MSH4: variants seen among roughly 807,000 people sequenced by gnomAD.
MSH4 encodes mutS protein homolog 4.
MSH4 carries 106 observed loss-of-function variants against 113.7 expected under a neutral mutation model. The observed-to-expected ratio is 0.93, with a 90% CI of 0.80 to 1.10. The LOEUF is 1.10. Among genes scored for constraint, MSH4 ranks in the 50% least tolerant of loss-of-function variants. The pLI is 0.00. For missense variants in MSH4, 1,061 were observed against 1,093.7 expected (o/e 0.97, Z 0.42); for synonymous variants, 368 against 380.2 (o/e 0.97, Z 0.37).
At chr1:75,838,654 A>G (rs1379775749) in intron 7 of MSH4, among the ~76,000 whole-genome samples, 1 of 152,032 alleles carries the variant, frequency 6.6e-6, no homozygotes, top group Non-Finnish European at 1.5e-5. Flanking sequence ...ATCTCTTGAT[A>G]CTCTTCACTC....
intron 17 of MSH4, among the ~76,000 whole-genome samples, chr1:75,893,636 A>G (rs1203001004): frequency 6.6e-6 from 1 of 152,176 alleles, no homozygotes; most frequent in African/African-American, 2.4e-5. Context: ...TAGACCTATA[A>G]CTAGATCTCT....
chr1:75,863,970 A>G (rs1434751284), intron 8 of MSH4, among the ~76,000 whole-genome samples: 1 of 152,170 alleles, frequency 6.6e-6, no homozygotes, highest in Non-Finnish European at 1.5e-5. Flanking sequence ...GTTATCACCA[A>G]TACCTCAAAA....
At chr1:75,804,355 A>T (rs5745327) in intron 2 of MSH4, among the ~76,000 whole-genome samples, 124,348 of 151,996 alleles carry the variant, frequency 0.82, 51,706 homozygotes, top group South Asian at 0.94. Context: ...TTTCTTGGTT[A>T]CAGGGTAAGT....
intron 17 of MSH4, among the ~76,000 whole-genome samples, chr1:75,892,174 G>T (rs150460033): frequency 2.6e-5 from 4 of 152,298 alleles, no homozygotes; most frequent in African/African-American, 9.6e-5. Flanking sequence ...CAGTATGGAA[G>T]ATCTGTTCTT....
chr1:75,834,055 A>G (rs1650771132), intron 7 of MSH4, among the ~76,000 whole-genome samples: 1 of 152,254 alleles, frequency 6.6e-6, no homozygotes, highest in Non-Finnish European at 1.5e-5. Context: ...GCTAATATCC[A>G]GAATCTACAA....
intron 8 of MSH4, among the ~76,000 whole-genome samples, chr1:75,861,409 C>T (rs1053712880): frequency 6.6e-6 from 1 of 152,134 alleles, no homozygotes; most frequent in Non-Finnish European, 1.5e-5. Flanking sequence ...TTTTATCTAC[C>T]TTTGTCCTTT....
At chr1:75,854,490 T>G (rs1651273000) in intron 8 of MSH4, among the ~76,000 whole-genome samples, 1 of 152,098 alleles carries the variant, frequency 6.6e-6, no homozygotes, top group Non-Finnish European at 1.5e-5. Flanking sequence ...ATGAATAACC[T>G]CCTGTTGTTC....
At chr1:75,897,695 A>G (rs1570996839) in intron 17 of MSH4, among the ~76,000 whole-genome samples, 1 of 152,262 alleles carries the variant, frequency 6.6e-6, no homozygotes, top group Middle Eastern at 3.4e-3. Context: ...CTGTGCACAA[A>G]CATAATAAAC....
chr1:75,855,747 C>A (rs1003613359), intron 8 of MSH4, among the ~76,000 whole-genome samples: 3 of 152,154 alleles, frequency 2.0e-5, no homozygotes, highest in African/African-American at 7.2e-5. Flanking sequence ...ATCATTGTAA[C>A]AATTACTAAC....
intron 8 of MSH4, among the ~76,000 whole-genome samples, chr1:75,862,458 T>C (rs563977994): frequency 2.0e-5 from 3 of 152,314 alleles, no homozygotes; most frequent in African/African-American, 7.2e-5. Context: ...AGGAAAACTT[T>C]AGTTTTGGGA....
At chr1:75,818,230 C>T (rs1650331773) in intron 6 of MSH4, among the ~76,000 whole-genome samples, 1 of 152,200 alleles carries the variant, frequency 6.6e-6, no homozygotes, top group African/African-American at 2.4e-5. Flanking sequence ...CAGTGGCTCT[C>T]CTTACATTTA....
chr1:75,838,474 A>G (rs951295057), intron 7 of MSH4, among the ~76,000 whole-genome samples: 2 of 152,170 alleles, frequency 1.3e-5, no homozygotes, highest in Admixed American at 6.5e-5. Flanking sequence ...ATATTCACAA[A>G]TTCCAGAAAT....
At chr1:75,837,302 A>T (rs977045910) in intron 7 of MSH4, among the ~76,000 whole-genome samples, 33 of 151,538 alleles carry the variant, frequency 2.2e-4, no homozygotes, top group African/African-American at 8.0e-4. Context: ...GCTTGTGGTA[A>T]TTTTTTATAG....
chr1:75,857,257 T>C (rs961957075), intron 8 of MSH4, among the ~76,000 whole-genome samples: 2 of 152,218 alleles, frequency 1.3e-5, no homozygotes, highest in African/African-American at 4.8e-5. Flanking sequence ...ACTCTGATGA[T>C]AGTTTCTTTC....
intron 15 of MSH4, among the ~76,000 whole-genome samples, chr1:75,886,508 A>C (rs1187745898): frequency 8.5e-6 from 1 of 117,256 alleles, no homozygotes; most frequent in East Asian, 3.3e-4. Context: ...GATGTATTAT[A>C]TATAATATAT....
intron 11 of MSH4, 141 bp from the exon 12 acceptor site, chr1:75,878,851 G>T: frequency 6.1e-6 from 4 of 655,990 alleles, no homozygotes; most frequent in Non-Finnish European, 9.7e-6. Flanking sequence ...AATTATTAGA[G>T]TTTGAAAGAG....
At chr1:75,867,415 A>T in intron 8 of MSH4, 99 bp from the exon 9 acceptor site, 1 of 702,436 alleles carries the variant, frequency 1.4e-6, no homozygotes, top group Non-Finnish European at 2.4e-6. Context: ...ATATAAAAAT[A>T]TATGGGATAT....
chr1:75,811,974 A>T (rs892167726), intron 4 of MSH4, among the ~76,000 whole-genome samples: 2 of 152,136 alleles, frequency 1.3e-5, no homozygotes, highest in African/African-American at 4.8e-5. Flanking sequence ...TCTCTATTAG[A>T]CGAATCACTT....
intron 7 of MSH4, among the ~76,000 whole-genome samples, chr1:75,843,584 G>A (rs537808589): frequency 4.6e-5 from 7 of 152,256 alleles, no homozygotes; most frequent in African/African-American, 1.7e-4. Flanking sequence ...CCCATCTCAT[G>A]AGAATCTATG....
Sources: gnomAD v4.1 joint callset for allele counts (sites outside exome capture counted in the v4.1 genomes callset) on GRCh38, gnomAD v4.1.1 for gene constraint, MANE v1.5 for transcripts, NCBI Gene and HGNC (gene_info 2026-07-23, HGNC 2026-07-21) for gene names.